The following AADACL3 variants were observed in gnomAD, a reference collection of about 807,000 sequenced individuals.
The protein encoded by AADACL3 is arylacetamide deacetylase like 3.
In AADACL3, 13 loss-of-function variants were observed where a neutral mutation model predicts 13.6. The observed-to-expected ratio is 0.95, with a 90% CI of 0.62 to 1.52. AADACL3 has a LOEUF of 1.52. Among genes scored for constraint, AADACL3 ranks in the 40% most tolerant of loss-of-function variants. The pLI, the probability that AADACL3 is intolerant of heterozygous loss-of-function variation, is 0.00. For synonymous variants in AADACL3, 195 were observed against 197.0 expected (o/e 0.99, Z 0.08); for missense variants, 519 against 499.2 (o/e 1.04, Z -0.38).
chr1:12,726,101 G>A lies in AADACL3; in HGVS notation c.*105G>A. ...AGGTGGTGCATAGTGGGGCTAGGGA[G>A]GGGGTAGAGGTTGCTGTCACCTTTC... On this transcript the variant is annotated 3_prime_UTR_variant, in exon 4 of 4. Transcript: ENST00000359318. The A allele has an allele frequency of 1.5e-6, 2 of 1,323,746 alleles. No homozygotes were observed. The highest frequency in any genetic ancestry group is 2.0e-6 in the Non-Finnish European group (2 of 977,846). The allele number at this position is 1,323,746 out of a possible 1,614,324, so 82.0% of individuals were successfully genotyped here. A position where few individuals can be genotyped will look rare whatever the true frequency, so the allele number is the denominator to read the frequency against.
At chr1:12,720,004 T>C (rs1648533811) in intron 2 of AADACL3, among the ~76,000 whole-genome samples, 1 of 152,230 alleles carries the variant, frequency 6.6e-6, no homozygotes, top group Admixed American at 6.5e-5. Flanking sequence ...TACATATAAA[T>C]GTATACATGT....
Position 12,728,084 on chromosome 1 carries a change from A to G in AADACL3, c.*2088A>G, listed in dbSNP as rs1638409591. The G allele has an allele frequency of 2.0e-5, 3 of 152,184 alleles. No homozygotes were observed. The highest frequency in any genetic ancestry group is 7.2e-5 in the African/African-American group (3 of 41,428). 9.4% of individuals were successfully genotyped at this position (152,184 alleles called of 1,614,324 possible). On this transcript the variant is annotated 3_prime_UTR_variant, in exon 4 of 4. Transcript: ENST00000359318. ...AGCACTTTCACCTAATGGCTAGATGATTGATTTTGGGATGAAATTCTCCAC... is the reference window on the plus strand; with the variant it reads ...AGCACTTTCACCTAATGGCTAGATGGTTGATTTTGGGATGAAATTCTCCAC...
chr1:12,716,656 T>C (rs556962172), intron 1 of AADACL3, among the ~76,000 whole-genome samples: 36 of 152,318 alleles, frequency 2.4e-4, no homozygotes, highest in African/African-American at 8.7e-4. Context: ...TTGTTGTTGT[T>C]GGTTTGTTTT....
intron 3 of AADACL3, among the ~76,000 whole-genome samples, chr1:12,723,489 T>C (rs1638307575): frequency 6.6e-6 from 1 of 152,202 alleles, no homozygotes; most frequent in Non-Finnish European, 1.5e-5. Flanking sequence ...TGCATTTTTT[T>C]GTTTTTGAGA....
intron 1 of AADACL3, among the ~76,000 whole-genome samples, chr1:12,717,400 C>T (rs561922564): frequency 2.6e-4 from 40 of 152,200 alleles, no homozygotes; most frequent in Non-Finnish European, 5.1e-4. Context: ...TCCTACTTCA[C>T]AGGGTTTTGT....
chr1:12,716,204 G>A lies in AADACL3; in HGVS notation c.28G>A (p.Ala10Thr), dbSNP rs1461761437. Residue 10 changes from alanine to threonine, a missense_variant, in exon 1 of 4, where the codon GCA becomes ACA. Coordinates refer to ENST00000359318, the MANE Select transcript of AADACL3 (RefSeq NM_001103170.3). MWDLALIFL[A>T]AACVFSLGVT... ...GTGGGACCTGGCCCTGATCTTCCTC[G>A]CAGCAGCCTGCGTGTTCTCACTAGG... 2.5e-5 allele frequency: 28 copies of A among 1,109,326 alleles called. No homozygotes were observed. Among genetic ancestry groups the A allele is most frequent in the Admixed American group, 2.2e-4 (13 of 57,878 alleles). The allele number at this position is 1,109,326 out of a possible 1,614,324, so 68.7% of individuals were successfully genotyped here.
At chr1:12,717,624 G>A (rs183552325) in intron 1 of AADACL3, among the ~76,000 whole-genome samples, 10 of 152,314 alleles carry the variant, frequency 6.6e-5, no homozygotes, top group Admixed American at 1.3e-4. Context: ...TGCCTTTAGG[G>A]AGCTTGTAGG....
rs780845198 is a variant in AADACL3, at chr1:12,725,332, T to A, written c.560T>A (p.Val187Asp). The change falls in exon 4 of 4, where the codon GTT becomes GAT. Residue 187 changes from valine to aspartate, a missense_variant. Val to Asp is a radical substitution (Grantham distance 152). Transcript: ENST00000359318. ...LDAYGVDPAR[V>D]VVCGDSFGGA... Reference sequence around the variant, plus strand: ...GCATATGGAGTGGATCCAGCCCGGGTTGTGGTCTGCGGTGACAGTTTCGGA... The same window carrying A: ...GCATATGGAGTGGATCCAGCCCGGGATGTGGTCTGCGGTGACAGTTTCGGA... The A allele has an allele frequency of 6.2e-7, 1 of 1,613,928 alleles. No homozygotes were observed. The highest frequency in any genetic ancestry group is 1.1e-5 in the South Asian group (1 of 91,056).
In AADACL3 at chr1:12,716,314, C is replaced by T. The variant is rs1266185804; in HGVS notation, c.138C>T (p.Leu46=). The change falls in exon 1 of 4, where the codon CTC becomes CTT. Residue 46 remains leucine (L), a synonymous_variant. Coordinates refer to ENST00000359318, the MANE Select transcript of AADACL3 (RefSeq NM_001103170.3). ...GCCACCCTGTGAAACTGAGAGTCCT[C>T]CATTGCATCTTCCAGCTGCTGTTGA... ...AVGHPVKLRV[L]HCIFQLLLTW... 7 of 1,614,176 alleles carry T rather than the reference C, an allele frequency of 4.3e-6. No individual in the cohort carries two copies. The highest frequency in any genetic ancestry group is 1.7e-5 in the Admixed American group (1 of 60,022).
In AADACL3 at chr1:12,725,704, C is replaced by A. The variant is rs767917829; in HGVS notation, c.932C>A (p.Ala311Asp). The A allele has an allele frequency of 1.8e-5, 29 of 1,614,150 alleles. No homozygotes were observed. The highest frequency in any genetic ancestry group is 2.5e-5 in the Non-Finnish European group (29 of 1,180,038). The stretch of plus-strand genomic sequence containing the variant: ...CCCCATGAGCCCATGAATGAAGCTG[C>A]TTACTTGGAAGTAAGTGTTGTCCTG... ...LKPHEPMNEA[A>D]YLEVSVVLDV... is the part of the protein sequence containing the mutation. The change falls in exon 4 of 4, where the codon GCT (alanine) becomes GAT (aspartate). Residue 311 changes from alanine (A) to aspartate (D), a missense_variant. By Grantham distance (126) the Ala-to-Asp change is moderately radical (BLOSUM62 -2). Transcript: ENST00000359318.
rs1638403516 is a variant in AADACL3, at chr1:12,727,992, G to C, written c.*1996G>C. 1 of 152,238 alleles carries C rather than the reference G, an allele frequency of 6.6e-6. No individual in the cohort carries two copies. Among genetic ancestry groups the C allele is most frequent in the South Asian group, 2.1e-4 (1 of 4,832 alleles). The allele number at this position is 152,238 out of a possible 1,614,324, so 9.4% of individuals were successfully genotyped here. ...AGAGGAATGTATAACATTTTAAGAGGCTGAGAGCACCCCTTGTTGGGCGCA... is the reference window on the plus strand; with the variant it reads ...AGAGGAATGTATAACATTTTAAGAGCCTGAGAGCACCCCTTGTTGGGCGCA... On this transcript the variant is annotated 3_prime_UTR_variant, in exon 4 of 4. Coordinates refer to ENST00000359318, the MANE Select transcript of AADACL3 (RefSeq NM_001103170.3).
At chr1:12,722,109 T>C (rs1209375001) in intron 3 of AADACL3, among the ~76,000 whole-genome samples, 1 of 152,052 alleles carries the variant, frequency 6.6e-6, no homozygotes, top group East Asian at 1.9e-4. Flanking sequence ...GGTGGATCAC[T>C]TGAGGCCAGG....
chr1:12,723,020 T>C (rs1638299296), intron 3 of AADACL3, among the ~76,000 whole-genome samples: 1 of 152,110 alleles, frequency 6.6e-6, no homozygotes, highest in Admixed American at 6.6e-5. Context: ...TAAAAATTTA[T>C]TTTACTACTT....
chr1:12,721,352 C>T (rs529717278), intron 3 of AADACL3, among the ~76,000 whole-genome samples: 5 of 152,158 alleles, frequency 3.3e-5, no homozygotes, highest in East Asian at 1.9e-4. Context: ...GCCGTGATTG[C>T]GCCACTACAC....
intron 3 of AADACL3, 95 bp from the exon 4 acceptor site, chr1:12,725,127 G>A: frequency 7.6e-7 from 1 of 1,315,294 alleles, no homozygotes; most frequent in African/African-American, 1.5e-5. Context: ...TTCACAAAGG[G>A]AAGTGAATGG....
chr1:12,716,990 T>C (rs1305088327), intron 1 of AADACL3, among the ~76,000 whole-genome samples: 1 of 152,246 alleles, frequency 6.6e-6, no homozygotes, highest in Non-Finnish European at 1.5e-5. Context: ...TTGGTTCTGC[T>C]TCTGGTGTAA....
At chr1:12,724,525 C>T (rs188880066) in intron 3 of AADACL3, among the ~76,000 whole-genome samples, 1 of 152,152 alleles carries the variant, frequency 6.6e-6, no homozygotes, top group East Asian at 1.9e-4. Context: ...CACTCTGTCA[C>T]CCAGGCTGGA....
In AADACL3 at chr1:12,726,229, T is replaced by G. The variant is rs1638368534; in HGVS notation, c.*233T>G. ...GGAGTGTGGCTGTCTCTATTCTCTG[T>G]TGGGAAAACCTGGGCTGACAATATT... On this transcript the variant is annotated 3_prime_UTR_variant, in exon 4 of 4. Coordinates refer to ENST00000359318, the MANE Select transcript of AADACL3 (RefSeq NM_001103170.3). 1 of 535,156 alleles carries G rather than the reference T, an allele frequency of 1.9e-6. No individual in the cohort carries two copies. Among genetic ancestry groups the G allele is most frequent in the Non-Finnish European group, 3.3e-6 (1 of 306,796 alleles). The allele number at this position is 535,156 out of a possible 1,614,324, so 33.2% of individuals were successfully genotyped here.
chr1:12,727,712 T>G lies in AADACL3; in HGVS notation c.*1716T>G, dbSNP rs1011938182. On this transcript the variant is annotated 3_prime_UTR_variant, in exon 4 of 4. Transcript: ENST00000359318. Reference sequence around the variant, plus strand: ...CGCAGTTGACCAGCATGGGGTTTGTTGGAGAAATAGGAACCATCCCCTGAA... The same window carrying G: ...CGCAGTTGACCAGCATGGGGTTTGTGGGAGAAATAGGAACCATCCCCTGAA... The G allele has an allele frequency of 7.2e-5, 11 of 152,236 alleles. No individual in the cohort carries two copies. The highest frequency in any genetic ancestry group is 2.7e-4 in the African/African-American group (11 of 41,452). The allele number at this position is 152,236 out of a possible 1,614,324, so 9.4% of individuals were successfully genotyped here. A position where few individuals can be genotyped will look rare whatever the true frequency, so the allele number is the denominator to read the frequency against.
Sources: gnomAD v4.1 joint callset for allele counts (sites outside exome capture counted in the v4.1 genomes callset) on GRCh38, gnomAD v4.1.1 for gene constraint, MANE v1.5 for transcripts, NCBI Gene and HGNC (gene_info 2026-07-23, HGNC 2026-07-21) for gene names.